The following MT1F variants were observed in gnomAD, a reference collection of about 807,000 sequenced individuals.
MT1F encodes the protein metallothionein 1F, also known as metallothionein-1F.
A neutral mutation model predicts 5.4 loss-of-function variants in MT1F; 6 were observed. The ratio of observed to expected loss-of-function variants is 1.11; its 90% CI spans 0.61 to 2.19. The LOEUF is 2.19. Ranked by LOEUF, MT1F falls within the 30% of genes most tolerant of loss-of-function variation. The probability of loss-of-function intolerance (pLI) is 0.00; values close to 1 mark genes in which losing one functional copy is unlikely to be tolerated. For synonymous variants in MT1F, 28 were observed against 28.3 expected, an observed-to-expected ratio of 0.99 and a Z score of 0.04; for missense variants, 82 against 77.0, an observed-to-expected ratio of 1.07 and a Z score of -0.24.
chr16:56,657,974 G>C lies in MT1F; in HGVS notation c.-85G>C. 5 of 1,427,146 alleles carry C rather than the reference G, an allele frequency of 3.5e-6. No individual in the cohort carries two copies. The highest frequency in any genetic ancestry group is 1.2e-5 in the South Asian group (1 of 84,284). The allele number at this position is 1,427,146 out of a possible 1,614,324, so 88.4% of individuals were successfully genotyped here. A position where few individuals can be genotyped will look rare whatever the true frequency, so the allele number is the denominator to read the frequency against. ...TCCCCTGACTATCAAAGCAGCGGCC[G>C]GCTGTTGGGGTCCACCACGCCTTCC... is the stretch of plus-strand genomic sequence containing the variant. On this transcript the variant is annotated 5_prime_UTR_variant, in exon 1 of 3. Coordinates refer to ENST00000334350, the MANE Select transcript of MT1F (RefSeq NM_005949.4).
intron 1 of MT1F, 47 bp from the exon 2 acceptor site, chr16:56,658,628 C>T (rs770753337): frequency 3.7e-6 from 6 of 1,601,150 alleles, no homozygotes; most frequent in Non-Finnish European, 3.4e-6. Context: ...GCTGTACCTC[C>T]TGCAGGTCAC....
Position 56,657,979 on chromosome 16 carries a change from T to C in MT1F, c.-80T>C, listed in dbSNP as rs1597076101. The C allele has an allele frequency of 2.7e-6, 4 of 1,470,802 alleles. No homozygotes were observed. In the Admixed American group the frequency reaches 5.3e-5, roughly 19 times the overall value. The allele number at this position is 1,470,802 out of a possible 1,614,324, so 91.1% of individuals were successfully genotyped here. On this transcript the variant is annotated 5_prime_UTR_variant, in exon 1 of 3. Transcript: ENST00000334350. ...TGACTATCAAAGCAGCGGCCGGCTG[T>C]TGGGGTCCACCACGCCTTCCACCTG...
chr16:56,658,530 G>A lies in MT1F; in HGVS notation c.29-145G>A, dbSNP rs1960649017. 6.3e-6 allele frequency: 5 copies of A among 789,418 alleles called. No homozygotes were observed. The Admixed American group carries it at 1.0e-4, about 16-fold the overall frequency. The allele number at this position is 789,418 out of a possible 1,614,324, so 48.9% of individuals were successfully genotyped here. A position where few individuals can be genotyped will look rare whatever the true frequency, so the allele number is the denominator to read the frequency against. On this transcript the variant is annotated intron_variant, in intron 1 of 2. Transcript: ENST00000334350. ...CCAGCATGAAGGGAGAGGACATGGG[G>A]CTTCTCTTCCTCTGCTCTGAGTGGG...
Position 56,659,255 on chromosome 16 carries a change from T to A in MT1F, c.*91T>A. 1 of 1,237,616 alleles carries A rather than the reference T, an allele frequency of 8.1e-7. No homozygotes were observed. The highest frequency in any genetic ancestry group is 1.2e-6 in the Non-Finnish European group (1 of 854,802). 76.7% of individuals were successfully genotyped at this position (1,237,616 alleles called of 1,614,324 possible). On this transcript the variant is annotated 3_prime_UTR_variant, in exon 3 of 3. Coordinates refer to ENST00000334350, the MANE Select transcript of MT1F (RefSeq NM_005949.4). ...TACCACCTTGACCCATTTGCTACAT[T>A]CCTTTTCCTGTGAAATATGTGAGTG... is the stretch of plus-strand genomic sequence containing the variant.
At position 56,659,219 on chromosome 16, in the gene MT1F, T is replaced by C; in HGVS notation, c.*55T>C. On this transcript the variant is annotated 3_prime_UTR_variant, in exon 3 of 3. Transcript: ENST00000334350. ...ACAGAGAGACATGTACAAACCTGGA[T>C]TTTTTTTTTATACCACCTTGACCCA... 2 of 1,314,838 alleles carry C rather than the reference T, an allele frequency of 1.5e-6. No individual in the cohort carries two copies. Among genetic ancestry groups the C allele is most frequent in the Non-Finnish European group, 2.1e-6 (2 of 952,858 alleles). 81.4% of individuals were successfully genotyped at this position (1,314,838 alleles called of 1,614,324 possible). A position where few individuals can be genotyped will look rare whatever the true frequency, so the allele number is the denominator to read the frequency against.
intron 2 of MT1F, 61 bp downstream of exon 2, chr16:56,658,801 GC>G (rs760860804): frequency 6.3e-7 from 1 of 1,598,268 alleles, no homozygotes; most frequent in South Asian, 1.1e-5. Context: ...GGAACCCAAG[GC>G]TGGCCCTGAG....
At chr16:56,658,344 C>G in intron 1 of MT1F, 1 of 587,012 alleles carries the variant, frequency 1.7e-6, no homozygotes, top group Non-Finnish European at 3.0e-6. Context: ...TGGCTGAGCC[C>G]CAGTGCTCTG....
Position 56,658,182 on chromosome 16 carries a change from A to C in MT1F, c.28+96A>C. ...GAGAAGGTCGTATTTTGAGATCTCA[A>C]CTGTAGGGGACTCCTTGACTTAGTC... On this transcript the variant is annotated intron_variant, in intron 1 of 2. Coordinates refer to ENST00000334350, the MANE Select transcript of MT1F (RefSeq NM_005949.4). 4 of 1,363,762 alleles carry C rather than the reference A, an allele frequency of 2.9e-6. No homozygotes were observed. The South Asian group carries it at 3.6e-5, about 12-fold the overall frequency. The allele number at this position is 1,363,762 out of a possible 1,614,324, so 84.5% of individuals were successfully genotyped here.
Position 56,657,969 on chromosome 16 carries a change from C to A in MT1F, c.-90C>A. The A allele has an allele frequency of 7.3e-7, 1 of 1,373,050 alleles. No individual in the cohort carries two copies. 85.1% of individuals were successfully genotyped at this position (1,373,050 alleles called of 1,614,324 possible). A position where few individuals can be genotyped will look rare whatever the true frequency, so the allele number is the denominator to read the frequency against. On this transcript the variant is annotated 5_prime_UTR_variant, in exon 1 of 3. Coordinates refer to ENST00000334350, the MANE Select transcript of MT1F (RefSeq NM_005949.4). The stretch of plus-strand genomic sequence containing the variant: ...CCCCCTCCCCTGACTATCAAAGCAG[C>A]GGCCGGCTGTTGGGGTCCACCACGC...
chr16:56,658,036 G>A lies in MT1F; in HGVS notation c.-23G>A, dbSNP rs1387490727. ...TGCTTCTTCGCTTCTCTCTTGGAAA[G>A]TCCAGTCTCTCCTCGGCTTGCAATG... On this transcript the variant is annotated 5_prime_UTR_variant, in exon 1 of 3. Coordinates refer to ENST00000334350, the MANE Select transcript of MT1F (RefSeq NM_005949.4). 2 of 1,613,772 alleles carry A rather than the reference G, an allele frequency of 1.2e-6. No individual in the cohort carries two copies. The highest frequency in any genetic ancestry group is 1.1e-5 in the South Asian group (1 of 91,080).
In MT1F at chr16:56,659,226, T is replaced by G; in HGVS notation, c.*62T>G. ...GACATGTACAAACCTGGATTTTTTTTTTATACCACCTTGACCCATTTGCTA... is the reference window on the plus strand; with the variant it reads ...GACATGTACAAACCTGGATTTTTTTGTTATACCACCTTGACCCATTTGCTA... On this transcript the variant is annotated 3_prime_UTR_variant, in exon 3 of 3. Transcript: ENST00000334350. 1 of 1,539,566 alleles carries G rather than the reference T, an allele frequency of 6.5e-7. No individual in the cohort carries two copies. Among genetic ancestry groups the G allele is most frequent in the Non-Finnish European group, 9.0e-7 (1 of 1,116,754 alleles).
chr16:56,658,221 T>G, intron 1 of MT1F, 135 bp downstream of exon 1: 2 of 976,076 alleles, frequency 2.0e-6, no homozygotes, highest in Non-Finnish European at 3.1e-6. Context: ...TGCTTTCCTC[T>G]TGGCCAAGAT....
chr16:56,658,580 G>T, intron 1 of MT1F, 95 bp from the exon 2 acceptor site: 1 of 1,265,054 alleles, frequency 7.9e-7, no homozygotes, highest in Non-Finnish European at 1.1e-6. Flanking sequence ...GGCTGGCCCC[G>T]CACAGAGGAG....
chr16:56,657,992 C>A lies in MT1F; in HGVS notation c.-67C>A. On this transcript the variant is annotated 5_prime_UTR_variant, in exon 1 of 3. Transcript: ENST00000334350. ...AGCGGCCGGCTGTTGGGGTCCACCA[C>A]GCCTTCCACCTGCCCCACTGCTTCT... is the stretch of plus-strand genomic sequence containing the variant. The A allele has an allele frequency of 1.3e-6, 2 of 1,550,672 alleles. No individual in the cohort carries two copies. The highest frequency in any genetic ancestry group is 2.2e-5 in the South Asian group (2 of 89,050).
Position 56,659,218 on chromosome 16 carries a change from AT to A in MT1F, c.*64del, listed in dbSNP as rs563492319. On this transcript the variant is annotated 3_prime_UTR_variant, in exon 3 of 3. Coordinates refer to ENST00000334350, the MANE Select transcript of MT1F (RefSeq NM_005949.4). ...AACAGAGAGACATGTACAAACCTGG[AT>A]TTTTTTTTTATACCACCTTGACCCA... 5,040 of 1,465,556 alleles carry A rather than the reference AT, an allele frequency of 3.4e-3. 7 individuals are homozygous for A. Among genetic ancestry groups the A allele is most frequent in the African/African-American group, 0.012 (867 of 70,134 alleles). 90.8% of individuals were successfully genotyped at this position (1,465,556 alleles called of 1,614,324 possible).
Position 56,659,068 on chromosome 16 carries a change from C to G in MT1F, c.95-5C>G. On this transcript the variant is annotated splice_polypyrimidine_tract_variant and splice_region_variant and intron_variant, in intron 2 of 2. Transcript: ENST00000334350. ...GTGACCTCTCATGCTCCTCTTCTTC[C>G]CCAGGCTGCTGCTCCTGCTGCCCCG... The G allele has an allele frequency of 6.2e-7, 1 of 1,613,398 alleles. No homozygotes were observed. Among genetic ancestry groups the G allele is most frequent in the South Asian group, 1.1e-5 (1 of 91,050 alleles).
At chr16:56,658,325 CA>C in intron 1 of MT1F, 1 of 600,066 alleles carries the variant, frequency 1.7e-6, no homozygotes, top group Non-Finnish European at 3.0e-6. Context: ...CGGTTTGTCC[CA>C]GGGCTGTTGG....
rs142276096 is a variant in MT1F, at chr16:56,659,092, C to T, written c.114C>T (p.Pro38=). The change falls in exon 3 of 3, where the codon CCC becomes CCT. Residue 38 remains proline, a synonymous_variant. Transcript: ENST00000334350. The part of the protein sequence containing the change: ...SCKKSCCSCC[P]VGCSKCAQGC... ...CCCCAGGCTGCTGCTCCTGCTGCCC[C>T]GTGGGCTGTAGCAAGTGTGCCCAGG... 896 of 1,613,930 alleles carry T rather than the reference C, an allele frequency of 5.6e-4. 7 individuals carry two copies. In the East Asian group the frequency reaches 0.017, roughly 31 times the overall value.
In MT1F at chr16:56,659,261, T is replaced by C; in HGVS notation, c.*97T>C. On this transcript the variant is annotated 3_prime_UTR_variant, in exon 3 of 3. Transcript: ENST00000334350. ...CTTGACCCATTTGCTACATTCCTTT[T>C]CCTGTGAAATATGTGAGTGATAATT... 1 of 1,155,420 alleles carries C rather than the reference T, an allele frequency of 8.7e-7. No homozygotes were observed. The highest frequency in any genetic ancestry group is 1.3e-6 in the Non-Finnish European group (1 of 784,524). The allele number at this position is 1,155,420 out of a possible 1,614,324, so 71.6% of individuals were successfully genotyped here. A position where few individuals can be genotyped will look rare whatever the true frequency, so the allele number is the denominator to read the frequency against.
Sources: allele counts gnomAD v4.1 joint callset, GRCh38; gene constraint gnomAD v4.1.1; transcripts MANE v1.5; gene names NCBI Gene and HGNC (gene_info 2026-07-23, HGNC 2026-07-21).